Variants in SLC35F4 observed in about 807,000 individuals in gnomAD.
SLC35F4 encodes the protein chromosome 14 open reading frame 36.
In SLC35F4, 24 loss-of-function variants were observed where a neutral mutation model predicts 44.2. The observed-to-expected ratio is 0.54, with a 90% CI of 0.39 to 0.76. SLC35F4 has a LOEUF of 0.76. Ranked by LOEUF, SLC35F4 falls within the 30% of genes least tolerant of loss-of-function variation. SLC35F4 has a pLI of 0.00. For missense variants in SLC35F4, 562 were observed against 586.1 expected, an observed-to-expected ratio of 0.96 and a Z score of 0.42; for synonymous variants, 238 against 223.6, an observed-to-expected ratio of 1.06 and a Z score of -0.57.
At chr14:57,798,118 G>C (rs1271365346) in intron 1 of SLC35F4, among the ~76,000 whole-genome samples, 2 of 58,062 alleles carry the variant, frequency 3.4e-5, no homozygotes, top group Admixed American at 2.7e-4. Context: ...ACAGACCCAC[G>C]AGCAAAAAAA....
chr14:57,645,393 G>C (rs568286310), intron 1 of SLC35F4, among the ~76,000 whole-genome samples: 3 of 152,196 alleles, frequency 2.0e-5, no homozygotes, highest in Admixed American at 2.0e-4. Context: ...ATCGTGAATG[G>C]GAGTTCACTC....
At chr14:57,594,400 G>T (rs1397450260) in intron 1 of SLC35F4, among the ~76,000 whole-genome samples, 5 of 152,094 alleles carry the variant, frequency 3.3e-5, no homozygotes, top group Non-Finnish European at 7.3e-5. Context: ...TGTTGGCCAG[G>T]CTGGCTGAAG....
At chr14:57,980,707 G>A (rs140364574) in intron 1 of SLC35F4, among the ~76,000 whole-genome samples, 2 of 152,134 alleles carry the variant, frequency 1.3e-5, no homozygotes, top group Non-Finnish European at 2.9e-5. Flanking sequence ...CCCTAAAGCT[G>A]CACTGTTCAA....
In SLC35F4 at chr14:57,594,143, C is replaced by T. The variant is rs772076825; in HGVS notation, c.104-19G>A. 11 of 1,606,538 alleles carry T rather than the reference C, an allele frequency of 6.8e-6. No homozygotes were observed. In the Admixed American group the frequency reaches 1.0e-4, roughly 15 times the overall value. On this transcript the variant is annotated intron_variant, in intron 1 of 7. Coordinates refer to ENST00000556826, the MANE Select transcript of SLC35F4 (RefSeq NM_001306087.2). ...GAGGTACCTGGAAAGACAGAGTTCA[C>T]GCCAGTTTGAGAACTGCCTGAACAA...
intron 1 of SLC35F4, among the ~76,000 whole-genome samples, chr14:57,712,585 G>A (rs754781571): frequency 3.3e-5 from 5 of 152,060 alleles, no homozygotes; most frequent in Admixed American, 6.5e-5. Context: ...CAATGTAGCT[G>A]TTTTCTTCAC....
chr14:57,866,693 T>C (rs1210016166), upstream of SLC35F4, among the ~76,000 whole-genome samples: 2 of 152,170 alleles, frequency 1.3e-5, no homozygotes, highest in Non-Finnish European at 2.9e-5. Flanking sequence ...TCAAATGCTC[T>C]GAGGAGAAAT....
At chr14:57,975,375 G>A (rs1881186230), downstream of SLC35F4, among the ~76,000 whole-genome samples, 1 of 152,132 alleles carries the variant, frequency 6.6e-6, no homozygotes, top group African/African-American at 2.4e-5. Flanking sequence ...GGCTTTCAGG[G>A]CCCCACACAT....
intron 1 of SLC35F4, among the ~76,000 whole-genome samples, chr14:57,793,249 T>A (rs2077971596): frequency 6.6e-6 from 1 of 152,034 alleles, no homozygotes; most frequent in Non-Finnish European, 1.5e-5. Flanking sequence ...TAAAAACTTT[T>A]ATTTTTTTTT....
intron 1 of SLC35F4, among the ~76,000 whole-genome samples, chr14:57,679,911 C>T (rs1260846555): frequency 6.6e-6 from 1 of 151,978 alleles, no homozygotes; most frequent in East Asian, 1.9e-4. Context: ...AAGCCCAGGA[C>T]CAGACAGATT....
At chr14:57,741,495 G>A (rs760111614) in intron 1 of SLC35F4, among the ~76,000 whole-genome samples, 1 of 151,968 alleles carries the variant, frequency 6.6e-6, no homozygotes, top group Non-Finnish European at 1.5e-5. Flanking sequence ...TATCAGTGAT[G>A]GAAGATCAAA....
At position 57,803,503 on chromosome 14, in the gene SLC35F4, G is replaced by A. The variant is rs572236932; in HGVS notation, c.103+62220C>T. Among the ~76,000 whole-genome samples, 6 of 151,902 alleles carry A rather than the reference G, an allele frequency of 3.9e-5. No homozygotes were observed. The South Asian group carries it at 1.3e-3, about 32-fold the overall frequency. On this transcript the variant is annotated intron_variant, in intron 1 of 7. Coordinates refer to ENST00000556826, the MANE Select transcript of SLC35F4 (RefSeq NM_001306087.2). ...TAAAGGGTATTCAAATAGGAAGAGAGGTAGTCAAATTATTTTTATTTGCAG... is the reference window on the plus strand; with the variant it reads ...TAAAGGGTATTCAAATAGGAAGAGAAGTAGTCAAATTATTTTTATTTGCAG...
chr14:57,661,512 G>A (rs2074135866), intron 1 of SLC35F4, among the ~76,000 whole-genome samples: 2 of 152,284 alleles, frequency 1.3e-5, no homozygotes, highest in South Asian at 4.1e-4. Flanking sequence ...TCTTGGCAAT[G>A]CAATGATTGC....
At chr14:57,599,244 G>T (rs1407491554) in intron 1 of SLC35F4, among the ~76,000 whole-genome samples, 2 of 152,146 alleles carry the variant, frequency 1.3e-5, no homozygotes, top group Non-Finnish European at 2.9e-5. Flanking sequence ...CTCAAAACAG[G>T]ACAATTTTAG....
At chr14:57,569,642 T>C in intron 6 of SLC35F4, 146 bp downstream of exon 6, 1 of 948,890 alleles carries the variant, frequency 1.1e-6, no homozygotes, top group Non-Finnish European at 1.5e-6. Context: ...GCAAAGAACC[T>C]TCTAAACATG....
chr14:57,820,723 G>A (rs1180700764), intron 1 of SLC35F4, among the ~76,000 whole-genome samples: 3 of 152,212 alleles, frequency 2.0e-5, no homozygotes, highest in Non-Finnish European at 4.4e-5. Flanking sequence ...AGTATGAACT[G>A]AGTAAGCCTC....
intron 4 of SLC35F4, among the ~76,000 whole-genome samples, chr14:57,574,838 C>T (rs1020711300): frequency 2.0e-5 from 3 of 151,836 alleles, no homozygotes; most frequent in African/African-American, 4.8e-5. Flanking sequence ...ATCCTAAGCA[C>T]GTATCAGTCA....
At chr14:57,651,392 G>A (rs1438615364) in intron 1 of SLC35F4, among the ~76,000 whole-genome samples, 5 of 152,084 alleles carry the variant, frequency 3.3e-5, no homozygotes, top group African/African-American at 1.2e-4. Context: ...GGTCGGTGGT[G>A]GGGGTAGACT....
intron 1 of SLC35F4, among the ~76,000 whole-genome samples, chr14:57,909,570 ACACAC>A (rs1889176070): frequency 6.6e-6 from 1 of 150,996 alleles, no homozygotes; most frequent in African/African-American, 2.4e-5. Flanking sequence ...ACACACACAC[ACACAC>A]AAACACACAG....
chr14:57,641,900 G>A (rs192427517), intron 1 of SLC35F4, among the ~76,000 whole-genome samples: 4 of 151,964 alleles, frequency 2.6e-5, no homozygotes, highest in African/African-American at 9.7e-5. Flanking sequence ...AGGCTTACAA[G>A]TCTGTTTTCC....
Sources: gnomAD v4.1 joint callset for allele counts (sites outside exome capture counted in the v4.1 genomes callset) on GRCh38, gnomAD v4.1.1 for gene constraint, MANE v1.5 for transcripts, NCBI Gene and HGNC (gene_info 2026-07-23, HGNC 2026-07-21) for gene names.